Variants in EFEMP2 observed in about 807,000 individuals in gnomAD.
The protein encoded by EFEMP2 is EGF-like fibulin extracellular matrix protein 2.
EFEMP2 carries 21 observed loss-of-function variants against 55.3 expected under a neutral mutation model. The ratio of observed to expected loss-of-function variants is 0.38; its 90% CI spans 0.27 to 0.55. The LOEUF (loss-of-function observed/expected upper bound fraction) is 0.55. Among genes scored for constraint, EFEMP2 ranks in the 20% least tolerant of loss-of-function variants. The pLI is 0.77. For missense variants in EFEMP2, 513 were observed against 615.1 expected, an observed-to-expected ratio of 0.83 and a Z score of 1.76; for synonymous variants, 275 against 242.3, an observed-to-expected ratio of 1.14 and a Z score of -1.25.
At chr11:65,867,405 A>G in intron 10 of EFEMP2, 1 of 471,430 alleles carries the variant, frequency 2.1e-6, no homozygotes, top group South Asian at 2.2e-5. Context: ...GACTCCCTTC[A>G]GAGCATTCAA....
At position 65,868,068 on chromosome 11, in the gene EFEMP2, G is replaced by C; in HGVS notation, c.975-12C>G. The C allele has an allele frequency of 6.2e-7, 1 of 1,613,068 alleles. No homozygotes were observed. Among genetic ancestry groups the C allele is most frequent in the Non-Finnish European group, 8.5e-7 (1 of 1,179,714 alleles). ...GGCAGAGACAGCGGCTAGAGACCCC[G>C]AGGTGGGGGACACAAATGAGCTCCT... On this transcript the variant is annotated splice_polypyrimidine_tract_variant and intron_variant, in intron 9 of 10. Transcript: ENST00000307998.
rs1277425233 is a variant in EFEMP2, at chr11:65,869,954, C to G, written c.630G>C (p.Gly210=). The G allele has an allele frequency of 6.2e-7, 1 of 1,613,816 alleles. No individual in the cohort carries two copies. Among genetic ancestry groups the G allele is most frequent in the Non-Finnish European group, 8.5e-7 (1 of 1,179,980 alleles). The part of the protein sequence containing the change: ...SCVDVNECDM[G]APCEQRCFNS... ...TGAAGCAGCGCTGCTCGCATGGGGC[C>G]CCCATGTCACACTCGTTCACATCTG... is the stretch of plus-strand genomic sequence containing the variant. Residue 210 remains glycine (G), a synonymous_variant, in exon 7 of 11, where the codon GGG becomes GGC. Transcript: ENST00000307998.
chr11:65,871,168 T>C lies in EFEMP2; in HGVS notation c.356A>G (p.Asp119Gly). The C allele has an allele frequency of 6.2e-7, 1 of 1,614,136 alleles. No homozygotes were observed. Among genetic ancestry groups the C allele is most frequent in the South Asian group, 1.1e-5 (1 of 91,088 alleles). The change falls in exon 4 of 11, where the codon GAC becomes GGC. Residue 119 changes from aspartate to glycine, a missense_variant. Coordinates refer to ENST00000307998, the MANE Select transcript of EFEMP2 (RefSeq NM_016938.5). Reference sequence around the variant, plus strand: ...CAGTCCCCACTCACCCACACAGCTGTCCTGATCGTCGGGCTCATAGCCTGG... The same window carrying C: ...CAGTCCCCACTCACCCACACAGCTGCCCTGATCGTCGGGCTCATAGCCTGG... ...CPPGYEPDDQ[D>G]SCVDVDECAQ... is the part of the protein sequence containing the mutation.
chr11:65,868,897 C>A (rs952478797), intron 7 of EFEMP2: 2 of 486,024 alleles, frequency 4.1e-6, no homozygotes, highest in Non-Finnish European at 7.5e-6. Flanking sequence ...GTGAATCCCA[C>A]CAGCTGATCT....
At chr11:65,872,552 C>A in intron 1 of EFEMP2, 131 bp downstream of exon 1, 2 of 451,824 alleles carry the variant, frequency 4.4e-6, no homozygotes, top group South Asian at 2.7e-5. Context: ...CCCGCCCCGG[C>A]CACCCCGCCC....
chr11:65,871,675 C>T (rs1168298905), intron 3 of EFEMP2: 1 of 597,176 alleles, frequency 1.7e-6, no homozygotes, highest in East Asian at 2.8e-5. Context: ...GCTACCCTCC[C>T]AGGTTGTGAT....
rs1389886179 is a variant in EFEMP2 at position 65,866,631 on chromosome 11, T to C, written c.*287A>G. 2 of 703,080 alleles carry C rather than the reference T, an allele frequency of 2.8e-6. No homozygotes were observed. The highest frequency in any genetic ancestry group is 5.2e-6 in the Non-Finnish European group (2 of 385,266). The allele number at this position is 703,080 out of a possible 1,614,324, so 43.6% of individuals were successfully genotyped here. On this transcript the variant is annotated 3_prime_UTR_variant, in exon 11 of 11. Coordinates refer to ENST00000307998, the MANE Select transcript of EFEMP2 (RefSeq NM_016938.5). ...CTGGGCCGGGGCCTGGAGTCCGCCC[T>C]CCTCGTTACCTCCTCTCCTCTCGGG...
rs1859972841 is a variant in EFEMP2 at position 65,872,008 on chromosome 11, T to C, written c.122A>G (p.Asp41Gly). ...GCTGTCTGGGTCCCACTCATAGCCA[T>C]CTGTGCATTCCTGGAAGGGAACCAG... Reference protein sequence around the residue: ...EEPDSYTECTDGYEWDPDSQH... With the variant: ...EEPDSYTECTGGYEWDPDSQH... Residue 41 changes from aspartate (D) to glycine (G), a missense_variant, in exon 3 of 11, where the codon GAT becomes GGT. Coordinates refer to ENST00000307998, the MANE Select transcript of EFEMP2 (RefSeq NM_016938.5). 1 of 1,551,626 alleles carries C rather than the reference T, an allele frequency of 6.4e-7. No individual in the cohort carries two copies. Among genetic ancestry groups the C allele is most frequent in the East Asian group, 2.4e-5 (1 of 40,910 alleles).
chr11:65,866,724 G>A lies in EFEMP2; in HGVS notation c.*194C>T. 2.7e-6 allele frequency: 2 copies of A among 750,848 alleles called. No individual in the cohort carries two copies. Among genetic ancestry groups the A allele is most frequent in the Non-Finnish European group, 4.7e-6 (2 of 428,386 alleles). The allele number at this position is 750,848 out of a possible 1,614,324, so 46.5% of individuals were successfully genotyped here. A position where few individuals can be genotyped will look rare whatever the true frequency, so the allele number is the denominator to read the frequency against. On this transcript the variant is annotated 3_prime_UTR_variant, in exon 11 of 11. Coordinates refer to ENST00000307998, the MANE Select transcript of EFEMP2 (RefSeq NM_016938.5). ...GGGGGCCCCTGGGCCTGAACATATA[G>A]AGACCCCCATTTAGGTGAACTTGGC... is the stretch of plus-strand genomic sequence containing the variant.
chr11:65,872,010 T>C lies in EFEMP2; in HGVS notation c.120A>G (p.Thr40=). The change falls in exon 3 of 11, where the codon ACA becomes ACG. Residue 40 remains threonine, a synonymous_variant. Coordinates refer to ENST00000307998, the MANE Select transcript of EFEMP2 (RefSeq NM_016938.5). Reference sequence around the variant, plus strand: ...TGTCTGGGTCCCACTCATAGCCATCTGTGCATTCCTGGAAGGGAACCAGAA... The same window carrying C: ...TGTCTGGGTCCCACTCATAGCCATCCGTGCATTCCTGGAAGGGAACCAGAA... The part of the protein sequence containing the change: ...SEEPDSYTEC[T]DGYEWDPDSQ... 6.4e-7 allele frequency: 1 copy of C among 1,551,678 alleles called. No individual in the cohort carries two copies. Among genetic ancestry groups the C allele is most frequent in the Non-Finnish European group, 8.7e-7 (1 of 1,146,978 alleles).
chr11:65,868,651 GA>G, intron 7 of EFEMP2, 22 bp from the exon 8 acceptor site: 1 of 1,613,434 alleles, frequency 6.2e-7, no homozygotes, highest in Non-Finnish European at 8.5e-7. Flanking sequence ...TGGGGATGGG[GA>G]CCCCGGGTCA....
rs890199937 is a variant in EFEMP2 at position 65,871,983 on chromosome 11, G to C, written c.147C>G (p.Ser49Arg). Residue 49 changes from serine (S) to arginine (R), a missense_variant, in exon 3 of 11, where the codon AGC (serine) becomes AGG (arginine). Transcript: ENST00000307998. ...AGGCACACACACCCCGGCAGTGCTG[G>C]CTGTCTGGGTCCCACTCATAGCCAT... ...CTDGYEWDPD[S>R]QHCRDVNECL... The C allele has an allele frequency of 6.4e-7, 1 of 1,551,616 alleles. No individual in the cohort carries two copies. Among genetic ancestry groups the C allele is most frequent in the African/African-American group, 1.4e-5 (1 of 73,136 alleles).
chr11:65,870,303 G>C (rs1201996242), intron 5 of EFEMP2, 66 bp from the exon 6 acceptor site: 22 of 1,532,554 alleles, frequency 1.4e-5, no homozygotes, highest in Non-Finnish European at 1.9e-5. Flanking sequence ...GCTCGAGCCG[G>C]CTGGGACTCA....
At chr11:65,870,755 G>C in intron 4 of EFEMP2, 97 bp from the exon 5 acceptor site, 1 of 1,577,214 alleles carries the variant, frequency 6.3e-7, no homozygotes, top group Non-Finnish European at 8.7e-7. Context: ...TCAACAGCAC[G>C]CGTAAGAGTT....
At position 65,871,256 on chromosome 11, in the gene EFEMP2, C is replaced by T. The variant is rs1859960797; in HGVS notation, c.268G>A (p.Asp90Asn). 2.5e-6 allele frequency: 4 copies of T among 1,613,980 alleles called. No homozygotes were observed. Among genetic ancestry groups the T allele is most frequent in the Non-Finnish European group, 3.4e-6 (4 of 1,179,894 alleles). The change falls in exon 4 of 11, where the codon GAC becomes AAC. Residue 90 changes from aspartate to asparagine, a missense_variant. Asp to Asn is a conservative substitution (Grantham distance 23). Coordinates refer to ENST00000307998, the MANE Select transcript of EFEMP2 (RefSeq NM_016938.5). Reference sequence around the variant, plus strand: ...GGCGGGGGTCCCTCGCCGTGTAGGTCGTTGATGACGGCAGCGGAGCGGGGC... The same window carrying T: ...GGCGGGGGTCCCTCGCCGTGTAGGTTGTTGATGACGGCAGCGGAGCGGGGC... ...CLPRSAAVIN[D>N]LHGEGPPPPV...
At chr11:65,869,757 G>A (rs998047924) in intron 7 of EFEMP2, 100 bp downstream of exon 7, 3 of 1,567,636 alleles carry the variant, frequency 1.9e-6, no homozygotes, top group African/African-American at 2.7e-5. Context: ...ACAGTGACAG[G>A]AGGCGGAGGC....
chr11:65,868,433 G>A lies in EFEMP2; in HGVS notation c.848-12C>T, dbSNP rs763774695. On this transcript the variant is annotated splice_polypyrimidine_tract_variant and intron_variant, in intron 8 of 10. Coordinates refer to ENST00000307998, the MANE Select transcript of EFEMP2 (RefSeq NM_016938.5). The stretch of plus-strand genomic sequence containing the variant: ...ACACTCATCAATGTCTGTGCCAGGG[G>A]AGAGGGGCTGGAATCGGGGGCGTCA... The A allele has an allele frequency of 1.3e-5, 21 of 1,613,844 alleles. No individual in the cohort carries two copies. Among genetic ancestry groups the A allele is most frequent in the Non-Finnish European group, 8.5e-7 (1 of 1,180,046 alleles).
Position 65,868,323 on chromosome 11 carries a change from C to G in EFEMP2, c.946G>C (p.Val316Leu), listed in dbSNP as rs113167523. The G allele has an allele frequency of 2.5e-6, 4 of 1,613,648 alleles. No homozygotes were observed. The African/African-American group carries it at 5.3e-5, about 22-fold the overall frequency. ...TCAGAGACCTGGATGTAGGGCTCCA[C>G]GCAGCGGTTGGTGTCCACGCAGCGG... ...GYRCVDTNRC[V>L]EPYIQVSENR... is the part of the protein sequence containing the mutation. Residue 316 changes from valine (V) to leucine (L), a missense_variant, in exon 9 of 11, where the codon GTG (valine) becomes CTG (leucine). By Grantham distance (32) the Val-to-Leu change is conservative. Coordinates refer to ENST00000307998, the MANE Select transcript of EFEMP2 (RefSeq NM_016938.5).
intron 10 of EFEMP2, 108 bp from the exon 11 acceptor site, chr11:65,867,187 C>G (rs920772081): frequency 7.1e-5 from 98 of 1,384,256 alleles, no homozygotes; most frequent in Non-Finnish European, 9.6e-5. Flanking sequence ...AGGAACAGCC[C>G]TGGCCAGGCT....
Sources: allele counts gnomAD v4.1 joint callset, GRCh38; gene constraint gnomAD v4.1.1; transcripts MANE v1.5; gene names NCBI Gene and HGNC (gene_info 2026-07-23, HGNC 2026-07-21).